Variants in ZNF488 observed in about 807,000 individuals in gnomAD.
ZNF488 encodes the protein zinc finger protein 488.
ZNF488 carries 1 observed loss-of-function variant against 1.2 expected under a neutral mutation model. The observed-to-expected ratio is 0.86, with a 90% CI of 0.30 to 4.07. ZNF488 has a LOEUF of 4.07. ZNF488 is among the 30% of genes most tolerant of loss of function. The pLI is 0.18. For missense variants in ZNF488, 450 were observed against 437.9 expected (o/e 1.03, Z -0.25); for synonymous variants, 185 against 190.1 (o/e 0.97, Z 0.22).
chr10:47,382,664 C>T (rs1300118033), intron 1 of ZNF488, among the ~76,000 whole-genome samples: 1 of 152,230 alleles, frequency 6.6e-6, no homozygotes, highest in Non-Finnish European at 1.5e-5. Context: ...GTTCCATGCA[C>T]ATACCTATGA....
chr10:47,367,881 G>A lies in ZNF488; in HGVS notation c.949C>T (p.Leu317Phe), dbSNP rs782785447. 1.2e-6 allele frequency: 2 copies of A among 1,614,030 alleles called. No homozygotes were observed. Among genetic ancestry groups the A allele is most frequent in the East Asian group, 4.5e-5 (2 of 44,884 alleles). Residue 317 changes from leucine to phenylalanine, a missense_variant, in exon 2 of 2, where the codon CTT becomes TTT. Leu to Phe is a conservative substitution (Grantham distance 22). Coordinates refer to ENST00000585316, the MANE Select transcript of ZNF488 (RefSeq NM_153034.4). ...TGCTCCTGGCACACAGGGCAGGCAA[G>A]GGCCTCTTCTCTCCGCTTCTGAGAA... ...PHSQKRREEALACPVCQEHFR... is the reference protein window; with the variant it reads ...PHSQKRREEAFACPVCQEHFR...
In ZNF488 at chr10:47,367,946, C is replaced by G. The variant is rs77048726; in HGVS notation, c.884G>C (p.Arg295Pro). 1 of 1,613,890 alleles carries G rather than the reference C, an allele frequency of 6.2e-7. No individual in the cohort carries two copies. The highest frequency in any genetic ancestry group is 8.5e-7 in the Non-Finnish European group (1 of 1,180,030). ...RLTSDLVFHMRSHHKKEHAGP... is the reference protein window; with the variant it reads ...RLTSDLVFHMPSHHKKEHAGP... ...CGCATGCTCCTTTTTGTGGTGGGAT[C>G]GCATGTGAAAGACCAGGTCGGACGT... The change falls in exon 2 of 2, where the codon CGA (arginine) becomes CCA (proline). Residue 295 changes from arginine (R) to proline (P), a missense_variant. Physicochemically the swap from Arg to Pro is moderately radical, Grantham distance 103 (BLOSUM62 -2). Transcript: ENST00000585316.
chr10:47,372,885 T>C (rs1837533970), intron 1 of ZNF488, among the ~76,000 whole-genome samples: 1 of 152,172 alleles, frequency 6.6e-6, no homozygotes, highest in South Asian at 2.1e-4. Context: ...TTCAACCTCA[T>C]GTGTGTCCAG....
At chr10:47,370,376 C>G (rs1441502288) in intron 1 of ZNF488, among the ~76,000 whole-genome samples, 2 of 152,256 alleles carry the variant, frequency 1.3e-5, no homozygotes, top group African/African-American at 4.8e-5. Flanking sequence ...TTGGTTCCAA[C>G]CCCAGTGAGA....
At chr10:47,371,657 C>A (rs1837473178) in intron 1 of ZNF488, among the ~76,000 whole-genome samples, 1 of 151,924 alleles carries the variant, frequency 6.6e-6, no homozygotes, top group Non-Finnish European at 1.5e-5. Flanking sequence ...GGCGGCAGTG[C>A]CCTTTTCTGC....
chr10:47,380,499 CTG>C (rs1660063326), intron 1 of ZNF488, among the ~76,000 whole-genome samples: 2 of 149,088 alleles, frequency 1.3e-5, no homozygotes, highest in Admixed American at 1.3e-4. Flanking sequence ...TCCAACCAAC[CTG>C]GGCCATCAAC....
intron 1 of ZNF488, among the ~76,000 whole-genome samples, chr10:47,377,076 C>T (rs1555214492): frequency 6.6e-6 from 1 of 152,190 alleles, no homozygotes; most frequent in Admixed American, 6.5e-5. Flanking sequence ...GGAGAGACAG[C>T]CTGTGTTTGA....
intron 1 of ZNF488, among the ~76,000 whole-genome samples, chr10:47,371,134 A>G: frequency 6.6e-6 from 1 of 152,326 alleles, no homozygotes; most frequent in East Asian, 1.9e-4. Context: ...TGTGGTGTGG[A>G]AAACCTGAGG....
chr10:47,370,660 G>A (rs1215656891), intron 1 of ZNF488, among the ~76,000 whole-genome samples: 2 of 152,230 alleles, frequency 1.3e-5, no homozygotes, highest in Admixed American at 6.5e-5. Flanking sequence ...AAGTAAATGC[G>A]TAACTCCAGA....
In ZNF488 at chr10:47,368,378, C is replaced by A; in HGVS notation, c.452G>T (p.Trp151Leu). ...GPAGSKVFSV[W>L]PSGARSEQRS... ...TTGCTCACTTCGTGCTCCGCTGGGC[C>A]ACACAGAGAAGACTTTGCTGCCAGC... The change falls in exon 2 of 2, where the codon TGG becomes TTG. Residue 151 changes from tryptophan to leucine, a missense_variant. Trp to Leu is a moderately conservative substitution (Grantham distance 61). Transcript: ENST00000585316. The A allele has an allele frequency of 6.2e-7, 1 of 1,614,172 alleles. No individual in the cohort carries two copies. Among genetic ancestry groups the A allele is most frequent in the Non-Finnish European group, 8.5e-7 (1 of 1,180,050 alleles).
At chr10:47,369,471 A>G (rs367577146) in intron 1 of ZNF488, among the ~76,000 whole-genome samples, 11 of 152,100 alleles carry the variant, frequency 7.2e-5, no homozygotes, top group African/African-American at 2.2e-4. Context: ...GTGTTGGAGG[A>G]CCATGGACTT....
At chr10:47,375,036 C>T (rs1555214257) in intron 1 of ZNF488, among the ~76,000 whole-genome samples, 1 of 152,154 alleles carries the variant, frequency 6.6e-6, no homozygotes, top group East Asian at 1.9e-4. Context: ...TAAAGCTCAC[C>T]CCCTGACGAA....
At chr10:47,376,352 C>T (rs11204205) in intron 1 of ZNF488, among the ~76,000 whole-genome samples, 1 of 151,602 alleles carries the variant, frequency 6.6e-6, no homozygotes, top group Non-Finnish European at 1.5e-5. Flanking sequence ...ATATTTCAAT[C>T]GTGAGGAAAA....
chr10:47,378,804 AC>A lies in ZNF488; in HGVS notation c.-109+5415del, dbSNP rs1327791382. On this transcript the variant is annotated intron_variant, in intron 1 of 1. Transcript: ENST00000585316. ...GCCACCCCGCCTTGCCCTGCAGACCACCCCGTGTGACTTCATGAAGAGGACG... is the reference window on the plus strand; with the variant it reads ...GCCACCCCGCCTTGCCCTGCAGACCACCCGTGTGACTTCATGAAGAGGACG... 3.9e-5 allele frequency among the ~76,000 whole-genome samples: 6 copies of A among 152,118 alleles called. No individual in the cohort carries two copies. The East Asian group carries it at 1.2e-3, about 29-fold the overall frequency.
intron 1 of ZNF488, among the ~76,000 whole-genome samples, chr10:47,372,804 C>A (rs1020936965): frequency 2.0e-5 from 3 of 152,184 alleles, no homozygotes; most frequent in Non-Finnish European, 2.9e-5. Context: ...GGATGCCTGC[C>A]GCAGTGAGAT....
At chr10:47,369,843 C>T (rs1200908050) in intron 1 of ZNF488, among the ~76,000 whole-genome samples, 1 of 152,220 alleles carries the variant, frequency 6.6e-6, no homozygotes, top group Non-Finnish European at 1.5e-5. Context: ...CCTGCATGCA[C>T]CACGTGCAAC....
intron 1 of ZNF488, among the ~76,000 whole-genome samples, chr10:47,377,959 T>C (rs1837754775): frequency 1.3e-5 from 2 of 152,168 alleles, no homozygotes; most frequent in South Asian, 4.2e-4. Context: ...TCTGTAGGCA[T>C]AGGTGCACAG....
intron 1 of ZNF488, among the ~76,000 whole-genome samples, chr10:47,372,971 T>C (rs11204207): frequency 0.31 from 47,742 of 151,916 alleles, 7,887 homozygotes; most frequent in East Asian, 0.51. Context: ...CTGCCGGGTG[T>C]TGACACAGAT....
intron 1 of ZNF488, among the ~76,000 whole-genome samples, chr10:47,377,679 A>T (rs1344221386): frequency 1.5e-5 from 1 of 65,114 alleles, no homozygotes; most frequent in African/African-American, 6.9e-5. Context: ...AATCACACAC[A>T]CACACACACA....
Sources: gnomAD v4.1 joint callset for allele counts (sites outside exome capture counted in the v4.1 genomes callset) on GRCh38, gnomAD v4.1.1 for gene constraint, MANE v1.5 for transcripts, NCBI Gene and HGNC (gene_info 2026-07-23, HGNC 2026-07-21) for gene names.